Variants in DCAF6 observed in about 807,000 individuals in gnomAD.
DCAF6 encodes the protein DDB1- and CUL4-associated factor 6.
DCAF6 carries 54 observed loss-of-function variants against 125.1 expected under a neutral mutation model. The ratio of observed to expected loss-of-function variants is 0.43; its 90% CI spans 0.35 to 0.54. The LOEUF is 0.54. DCAF6 is among the 20% of genes least tolerant of loss of function. The pLI, the probability that DCAF6 is intolerant of heterozygous loss-of-function variation, is 0.01. For missense variants in DCAF6, 934 were observed against 1,161.7 expected (o/e 0.80, Z 2.85); for synonymous variants, 371 against 390.4 (o/e 0.95, Z 0.58).
intron 2 of DCAF6, among the ~76,000 whole-genome samples, chr1:167,953,005 T>C (rs1014226506): frequency 6.6e-6 from 1 of 152,212 alleles, no homozygotes; most frequent in Non-Finnish European, 1.5e-5. Context: ...AGATCCGCCT[T>C]GCTGAAGATA....
chr1:167,870,127 A>G, the DCAF6 span: 1 of 1,038,528 alleles, frequency 9.6e-7, no homozygotes. Context: ...TATTTAGCAC[A>G]AGGGTCATGG....
At chr1:167,949,362 A>G (rs115860742) in intron 1 of DCAF6, among the ~76,000 whole-genome samples, 1,576 of 152,336 alleles carry the variant, frequency 0.01, 34 homozygotes, top group African/African-American at 0.034. Flanking sequence ...TAGCCTTGGA[A>G]TATATAACAA....
intron 10 of DCAF6, among the ~76,000 whole-genome samples, chr1:168,007,111 A>C (rs75626335): frequency 1.3e-5 from 2 of 152,152 alleles, no homozygotes; most frequent in African/African-American, 4.8e-5. Context: ...CCTTTCATTC[A>C]CAATGAAAAG....
rs1684909340 is a variant in DCAF6, at chr1:168,015,919, A to AT, written c.1518dup (p.Glu507Ter). ...CCTTCCACTTCTGATCAGTCTTCTC[A>AT]TGAGGGCTCTTCACAGGACCCTCAT... On this transcript the variant is annotated frameshift_variant, in exon 11 of 22. Transcript: ENST00000367840. LOFTEE classifies it high-confidence loss of function. 6.5e-7 allele frequency: 1 copy of AT among 1,531,998 alleles called. No homozygotes were observed. 94.9% of individuals were successfully genotyped at this position (1,531,998 alleles called of 1,614,324 possible). A position where few individuals can be genotyped will look rare whatever the true frequency, so the allele number is the denominator to read the frequency against.
At chr1:168,044,754 C>A in intron 15 of DCAF6, 83 bp downstream of exon 15, 1 of 1,410,414 alleles carries the variant, frequency 7.1e-7, no homozygotes, top group Non-Finnish European at 9.9e-7. Flanking sequence ...AGTTAGAGGC[C>A]ATGTTCAAGT....
intron 19 of DCAF6, 56 bp from the exon 20 acceptor site, chr1:168,066,321 A>G (rs898024548): frequency 3.5e-6 from 4 of 1,148,188 alleles, no homozygotes; most frequent in South Asian, 1.5e-5. Flanking sequence ...TAATATAAGC[A>G]TATCCTGAAT....
the DCAF6 span, chr1:167,896,539 A>C: frequency 1.5e-6 from 2 of 1,368,736 alleles, no homozygotes; most frequent in Non-Finnish European, 2.1e-6. Context: ...GCATTGATAT[A>C]AGACCCTACT....
At chr1:168,005,566 T>C (rs1426372631) in intron 10 of DCAF6, among the ~76,000 whole-genome samples, 1 of 152,148 alleles carries the variant, frequency 6.6e-6, no homozygotes, top group African/African-American at 2.4e-5. Context: ...TTTCTTTGGT[T>C]CTTCTAAGGA....
At chr1:168,006,200 A>T (rs888283179) in intron 10 of DCAF6, among the ~76,000 whole-genome samples, 1 of 152,170 alleles carries the variant, frequency 6.6e-6, no homozygotes, top group African/African-American at 2.4e-5. Flanking sequence ...AATGCATTTT[A>T]ATTACTGCAT....
At chr1:167,970,273 T>G (rs1677102884) in intron 3 of DCAF6, among the ~76,000 whole-genome samples, 1 of 152,256 alleles carries the variant, frequency 6.6e-6, no homozygotes, top group Non-Finnish European at 1.5e-5. Flanking sequence ...ATGTATGATT[T>G]CCAATAGAAT....
At chr1:168,044,491 G>T (rs1386583041) in intron 14 of DCAF6, 94 bp from the exon 15 acceptor site, 2 of 790,748 alleles carry the variant, frequency 2.5e-6, no homozygotes, top group Non-Finnish European at 2.2e-6. Context: ...ATATATGAGG[G>T]ACTTGAGGAG....
chr1:167,983,743 C>T (rs1033653784), intron 4 of DCAF6, among the ~76,000 whole-genome samples: 2 of 152,166 alleles, frequency 1.3e-5, no homozygotes, highest in African/African-American at 4.8e-5. Flanking sequence ...TTACTTTTAA[C>T]TTTTTCTGGT....
chr1:168,040,646 G>A (rs1446590336), intron 13 of DCAF6, among the ~76,000 whole-genome samples: 2 of 150,366 alleles, frequency 1.3e-5, no homozygotes, highest in Admixed American at 6.6e-5. Flanking sequence ...TACTTATCAC[G>A]TCTTTTCCAT....
the DCAF6 span, chr1:167,902,007 C>T: frequency 6.2e-7 from 1 of 1,613,552 alleles, no homozygotes; most frequent in African/African-American, 1.3e-5. Flanking sequence ...TCTTAGTAAG[C>T]CCCCATACCT....
Position 168,023,852 on chromosome 1 carries a change from C to G in DCAF6, c.1609+805C>G, listed in dbSNP as rs149080368. ...ATGAAGTATTTTAAATATATTGTGA[C>G]AAAGTGTGATAAGTAATCTTAGTTA... On this transcript the variant is annotated intron_variant, in intron 12 of 21. Transcript: ENST00000367840. The G allele has an allele frequency of 1.3e-4, 20 of 152,294 alleles. No individual in the cohort carries two copies. In the East Asian group the frequency reaches 3.7e-3, roughly 28 times the overall value. The allele number at this position is 152,294 out of a possible 1,614,324, so 9.4% of individuals were successfully genotyped here.
chr1:167,923,169 T>C, the DCAF6 span, among the ~76,000 whole-genome samples: 7 of 152,220 alleles, frequency 4.6e-5, no homozygotes, highest in East Asian at 1.2e-3. Flanking sequence ...AGAATTATCA[T>C]ATGATCTAGC....
chr1:168,011,636 G>GGTCTA (rs1288990331), intron 10 of DCAF6, among the ~76,000 whole-genome samples: 1 of 152,118 alleles, frequency 6.6e-6, no homozygotes, highest in Admixed American at 6.5e-5. Flanking sequence ...ATGGGATAAA[G>GGTCTA]GTCTAGTCTA....
intron 11 of DCAF6, among the ~76,000 whole-genome samples, chr1:168,018,824 G>T (rs1264316019): frequency 6.6e-6 from 1 of 151,974 alleles, no homozygotes; most frequent in African/African-American, 2.4e-5. Flanking sequence ...TCACATCAGT[G>T]CCTGGGAATT....
chr1:168,042,475 A>G (rs1472412953), intron 13 of DCAF6, among the ~76,000 whole-genome samples: 1 of 151,986 alleles, frequency 6.6e-6, no homozygotes, highest in Non-Finnish European at 1.5e-5. Context: ...TGAAGCAGAA[A>G]ATATTACCCT....
Sources: allele counts gnomAD v4.1 joint callset (sites outside exome capture counted in the v4.1 genomes callset), GRCh38; gene constraint gnomAD v4.1.1; transcripts MANE v1.5; gene names NCBI Gene and HGNC (gene_info 2026-07-23, HGNC 2026-07-21).